NFIB: variants seen among roughly 807,000 people sequenced by gnomAD.
NFIB encodes nuclear factor 1 B-type.
A neutral mutation model predicts 61.5 loss-of-function variants in NFIB; 11 were observed. The observed-to-expected ratio is 0.18, with a 90% confidence interval of 0.11 to 0.30. The LOEUF (loss-of-function observed/expected upper bound fraction) is 0.30. Among genes scored for constraint, NFIB ranks in the 10% least tolerant of loss-of-function variants. The probability of loss-of-function intolerance (pLI) is 1.00; values close to 1 mark genes in which losing one functional copy is unlikely to be tolerated. For missense variants in NFIB, 471 were observed against 608.9 expected, an observed-to-expected ratio of 0.77 and a Z score of 2.38; for synonymous variants, 260 against 216.5, an observed-to-expected ratio of 1.20 and a Z score of -1.76.
the NFIB span, among the ~76,000 whole-genome samples, chr9:14,429,785 C>G: frequency 6.6e-6 from 1 of 152,324 alleles, no homozygotes; most frequent in East Asian, 1.9e-4. Context: ...AACAACCTCT[C>G]TGGCCAGCAG....
At chr9:14,206,695 CAAAAAAAAAAAA>C (rs889983433) in intron 2 of NFIB, among the ~76,000 whole-genome samples, 5 of 71,272 alleles carry the variant, frequency 7.0e-5, no homozygotes, top group African/African-American at 1.4e-4. Flanking sequence ...ACATGCTTTA[CAAAAAAAAAAAA>C]AAAAAAAAAA....
rs564992725 is a variant in NFIB, at chr9:14,382,653, C to T, written c.108+15871G>A. Among the ~76,000 whole-genome samples, 276 of 152,162 alleles carry T rather than the reference C, an allele frequency of 1.8e-3. 2 individuals are homozygous for T. The highest frequency in any genetic ancestry group is 6.4e-3 in the African/African-American group (265 of 41,514). ...GCTCTTGCACGAGGGTAGCAGGTTACGTGTGCAAGGAAGCTCCTAGCAGCA... is the reference window on the plus strand; with the variant it reads ...GCTCTTGCACGAGGGTAGCAGGTTATGTGTGCAAGGAAGCTCCTAGCAGCA... On this transcript the variant is annotated intron_variant, in intron 1 of 8. Transcript: ENST00000380934.
exon 1 of NFIB, chr9:14,398,763 C>T (rs2061713467): frequency 1.6e-6 from 1 of 615,820 alleles, no homozygotes; most frequent in Non-Finnish European, 2.8e-6. Context: ...GCAGAAGGTC[C>T]GAAGAGTTTG....
At chr9:14,125,350 G>A (rs1210266485) in intron 7 of NFIB, among the ~76,000 whole-genome samples, 1 of 152,092 alleles carries the variant, frequency 6.6e-6, no homozygotes, top group African/African-American at 2.4e-5. Context: ...TAGAGACGGG[G>A]TTCCACCATG....
intron 1 of NFIB, among the ~76,000 whole-genome samples, chr9:14,345,037 C>T (rs552594431): frequency 1.3e-5 from 2 of 152,282 alleles, no homozygotes; most frequent in Non-Finnish European, 2.9e-5. Flanking sequence ...AAAAGCCCAG[C>T]TCCAGGGGTT....
At position 14,120,810 on chromosome 9, in the gene NFIB, C is replaced by A. The variant is rs2119154813; in HGVS notation, c.1061-186G>T. Among the ~76,000 whole-genome samples the A allele has an allele frequency of 6.6e-6, 1 of 152,256 alleles. No homozygotes were observed. The highest frequency in any genetic ancestry group is 2.1e-4 in the South Asian group (1 of 4,826). ...TTATTCTCAACACCAGTACGGCTAACTACACAGAGATAAAACATCACTCTA... is the reference window on the plus strand; with the variant it reads ...TTATTCTCAACACCAGTACGGCTAAATACACAGAGATAAAACATCACTCTA... On this transcript the variant is annotated intron_variant, in intron 7 of 10. Transcript: ENST00000380953. This position sits in a 1 kb window ranked among gnomAD's most constrained non-coding sequence, Gnocchi z 4.4.
upstream of NFIB, among the ~76,000 whole-genome samples, chr9:14,316,928 T>C (rs2060556708): frequency 6.6e-6 from 1 of 152,192 alleles, no homozygotes; most frequent in African/African-American, 2.4e-5. Context: ...CCTCTTTGAA[T>C]GCCTGGACTC....
In NFIB at chr9:14,393,448, G is replaced by C. The variant is rs559965748; in HGVS notation, c.108+5076C>G. On this transcript the variant is annotated intron_variant, in intron 1 of 8. Coordinates refer to the NFIB transcript ENST00000380934. ...TGTTACCCTCTTCTGAGTGCTTTGA[G>C]TACTGGAAGCACAGTCCTATACTGA... is the stretch of plus-strand genomic sequence containing the variant. 2.0e-5 allele frequency among the ~76,000 whole-genome samples: 3 copies of C among 152,244 alleles called. No homozygotes were observed. In the East Asian group the frequency reaches 5.8e-4, roughly 29 times the overall value.
At chr9:14,300,300 C>T (rs895169640) in intron 2 of NFIB, 1 of 398,128 alleles carries the variant, frequency 2.5e-6, no homozygotes, top group African/African-American at 2.1e-5. Flanking sequence ...ACCACTAGTC[C>T]TTGAGATTTC....
At chr9:14,459,187 G>C in the NFIB span, among the ~76,000 whole-genome samples, 1 of 152,122 alleles carries the variant, frequency 6.6e-6, no homozygotes, top group African/African-American at 2.4e-5. Flanking sequence ...CAATGGAACA[G>C]AACAGAGCCC....
chr9:14,325,721 C>G (rs998493556), intron 1 of NFIB, among the ~76,000 whole-genome samples: 5 of 151,728 alleles, frequency 3.3e-5, no homozygotes, highest in African/African-American at 1.2e-4. Context: ...ATTATTATAC[C>G]AGAATTTGTG....
chr9:14,106,562 G>C (rs2036588726), intron 10 of NFIB, among the ~76,000 whole-genome samples: 1 of 152,006 alleles, frequency 6.6e-6, no homozygotes, highest in Non-Finnish European at 1.5e-5. Context: ...GTTCAAATCA[G>C]ATTGCTTCAA....
At chr9:14,197,082 T>C (rs1384751387) in intron 2 of NFIB, among the ~76,000 whole-genome samples, 1 of 152,256 alleles carries the variant, frequency 6.6e-6, no homozygotes, top group Non-Finnish European at 1.5e-5. Flanking sequence ...ATACCTTAGC[T>C]ATTTTCGAGG....
chr9:14,376,076 G>A (rs984487959), intron 1 of NFIB, among the ~76,000 whole-genome samples: 3 of 152,168 alleles, frequency 2.0e-5, no homozygotes, highest in African/African-American at 4.8e-5. Context: ...AAAGAGATGG[G>A]TCTTGCTAAG....
At chr9:14,509,284 AT>A in the NFIB span, among the ~76,000 whole-genome samples, 524 of 152,312 alleles carry the variant, frequency 3.4e-3, 2 homozygotes, top group African/African-American at 0.012. Context: ...CATCTTTGTC[AT>A]TGGCCAGACA....
intron 2 of NFIB, among the ~76,000 whole-genome samples, chr9:14,270,866 C>T (rs964259570): frequency 6.6e-6 from 1 of 152,102 alleles, no homozygotes; most frequent in Non-Finnish European, 1.5e-5. Context: ...TCAGGGCAGT[C>T]ATGTCCATTA....
At chr9:14,515,337 G>A in the NFIB span, among the ~76,000 whole-genome samples, 1 of 152,172 alleles carries the variant, frequency 6.6e-6, no homozygotes, top group African/African-American at 2.4e-5. Flanking sequence ...AGGATGCTGT[G>A]CTAAAACCTT....
chr9:14,457,424 T>A, the NFIB span, among the ~76,000 whole-genome samples: 1 of 152,108 alleles, frequency 6.6e-6, no homozygotes, highest in Non-Finnish European at 1.5e-5. Flanking sequence ...AGATCTAAAA[T>A]TGACACCCTA....
rs150440214 is a variant in NFIB at position 14,116,004 on chromosome 9, G to A, written c.1384+204C>T. 5.4e-3 allele frequency among the ~76,000 whole-genome samples: 829 copies of A among 152,270 alleles called. 10 individuals are homozygous for A. The highest frequency in any genetic ancestry group is 0.017 in the African/African-American group (725 of 41,542). ...CTTTTCAAATATGATTCACTGACTG[G>A]AATTTGAGAAGAGAGAGCCTGTGAT... On this transcript the variant is annotated intron_variant, in intron 9 of 10. Transcript: ENST00000380953.
Sources: gnomAD v4.1 joint callset for allele counts (sites outside exome capture counted in the v4.1 genomes callset) on GRCh38, gnomAD v4.1.1 for gene constraint, Gnocchi (gnomAD v3.1) non-coding constraint, MANE v1.5 for transcripts, NCBI Gene and HGNC (gene_info 2026-07-23, HGNC 2026-07-21) for gene names.